MED1: variants seen among roughly 807,000 people sequenced by gnomAD.
MED1 encodes mediator of RNA polymerase II transcription subunit 1.
MED1 carries 17 observed loss-of-function variants against 121.3 expected under a neutral mutation model. The ratio of observed to expected loss-of-function variants is 0.14; its 90% CI spans 0.10 to 0.21. The LOEUF is 0.21. Among genes scored for constraint, MED1 ranks in the 10% least tolerant of loss-of-function variants. MED1 has a pLI of 1.00. For missense variants in MED1, 1,558 were observed against 1,919.4 expected, an observed-to-expected ratio of 0.81 and a Z score of 3.52; for synonymous variants, 661 against 694.4, an observed-to-expected ratio of 0.95 and a Z score of 0.76.
chr17:39,430,774 T>C (rs970623754), intron 9 of MED1, among the ~76,000 whole-genome samples: 1 of 151,760 alleles, frequency 6.6e-6, no homozygotes, highest in East Asian at 1.9e-4. Context: ...TCCCAGCACT[T>C]TGGGAGACCA....
rs199958818 is a variant in MED1 at position 39,436,777 on chromosome 17, A to AT, written c.428+2387dup. 3.0e-3 allele frequency among the ~76,000 whole-genome samples: 442 copies of AT among 147,444 alleles called. 8 individuals carry two copies. The East Asian group carries it at 0.044, about 15-fold the overall frequency. On this transcript the variant is annotated intron_variant, in intron 6 of 16. Transcript: ENST00000300651. ...TTTGTTCCACACATAATTCTTTATT[A>AT]TTTTTTTTTTTGAGACAGTCTCACT... is the stretch of plus-strand genomic sequence containing the variant.
Position 39,419,963 on chromosome 17 carries a change from G to T in MED1, c.1096-45C>A, listed in dbSNP as rs745834967. 4 of 1,549,082 alleles carry T rather than the reference G, an allele frequency of 2.6e-6. No homozygotes were observed. In the East Asian group the frequency reaches 9.0e-5, roughly 35 times the overall value. The stretch of plus-strand genomic sequence containing the variant: ...AACGAGTGCTATTTAGTTACCTATT[G>T]TATTCCAACCACAAAGTATCCTGAA... On this transcript the variant is annotated intron_variant, in intron 13 of 16. Coordinates refer to ENST00000300651, the MANE Select transcript of MED1 (RefSeq NM_004774.4).
At chr17:39,424,867 TTATTTATTTATG>T in intron 10 of MED1, 129 bp from the exon 11 acceptor site, 1 of 607,922 alleles carries the variant, frequency 1.6e-6, no homozygotes, top group African/African-American at 2.0e-5. Flanking sequence ...ATTCCCTTAT[TTATTTATTTATG>T]TATTTATTTA....
chr17:39,423,741 A>G lies in MED1; in HGVS notation c.932T>C (p.Ile311Thr). ...CTGAACAAATGCTCTAGATACTGGG[A>G]TTGGCTGGGGAAATTTCAAGAAGAA... ...ACFFLKFPQP[I>T]PVSRAFVQKL... The change falls in exon 12 of 17, where the codon ATC (isoleucine) becomes ACC (threonine). Residue 311 changes from isoleucine to threonine, a missense_variant. Physicochemically the swap from Ile to Thr is moderately conservative, Grantham distance 89. Coordinates refer to ENST00000300651, the MANE Select transcript of MED1 (RefSeq NM_004774.4). 1 of 1,613,960 alleles carries G rather than the reference A, an allele frequency of 6.2e-7. No individual in the cohort carries two copies. Among genetic ancestry groups the G allele is most frequent in the Non-Finnish European group, 8.5e-7 (1 of 1,179,998 alleles).
intron 14 of MED1, among the ~76,000 whole-genome samples, chr17:39,418,789 A>ATTT (rs71147329): frequency 2.8e-5 from 4 of 142,330 alleles, no homozygotes; most frequent in East Asian, 2.1e-4. Context: ...AGCATCTGTG[A>ATTT]TTTTTTTTTT....
intron 13 of MED1, among the ~76,000 whole-genome samples, chr17:39,421,758 T>C (rs1056313888): frequency 7.2e-5 from 11 of 152,048 alleles, no homozygotes; most frequent in Non-Finnish European, 1.2e-4. Context: ...TCTAAGCTCA[T>C]GGCACTTGAA....
At chr17:39,423,863 T>C (rs1036345273) in intron 11 of MED1, 42 bp from the exon 12 acceptor site, 2 of 1,556,480 alleles carry the variant, frequency 1.3e-6, no homozygotes, top group Non-Finnish European at 1.7e-6. Context: ...TCTGACTTGA[T>C]ATAAAAATGA....
At chr17:39,419,691 T>TA (rs767039821) in intron 14 of MED1, 26 bp downstream of exon 14, 2 of 1,579,534 alleles carry the variant, frequency 1.3e-6, no homozygotes, top group Non-Finnish European at 1.7e-6. Context: ...CATCTTCCAG[T>TA]AAGCATATCA....
rs760135589 is a variant in MED1, at chr17:39,440,017, G to GGAAA, written c.399+365_399+368dup. Reference sequence around the variant, plus strand: ...AGGAAGGAAGGAAGGAAGGAAGGAAGGAAAGAAAGAAAGAAAGAGAGAAAG... The same window carrying GGAAA: ...AGGAAGGAAGGAAGGAAGGAAGGAAGGAAAGAAAGAAAGAAAGAAAGAGAGAAAG... On this transcript the variant is annotated intron_variant, in intron 5 of 16. Transcript: ENST00000300651. This position sits in a 1 kb window ranked among gnomAD's most constrained non-coding sequence, Gnocchi z 4.1. Among the ~76,000 whole-genome samples, 46 of 128,744 alleles carry GGAAA rather than the reference G, an allele frequency of 3.6e-4. No individual in the cohort carries two copies. The highest frequency in any genetic ancestry group is 5.2e-4 in the South Asian group (2 of 3,850). 84.5% of individuals were successfully genotyped at this position (128,744 alleles called of 152,430 possible). A position where few individuals can be genotyped will look rare whatever the true frequency, so the allele number is the denominator to read the frequency against.
intron 9 of MED1, among the ~76,000 whole-genome samples, chr17:39,430,573 G>A (rs1333662939): frequency 6.6e-6 from 1 of 151,086 alleles, no homozygotes; most frequent in African/African-American, 2.4e-5. Context: ...GGCGCCTGTA[G>A]TCCCAGCTAC....
rs1377462713 is a variant in MED1, at chr17:39,419,884, T to C, written c.1130A>G (p.Asn377Ser). The C allele has an allele frequency of 6.2e-7, 1 of 1,614,074 alleles. No individual in the cohort carries two copies. Among genetic ancestry groups the C allele is most frequent in the Admixed American group, 1.7e-5 (1 of 59,984 alleles). The part of the protein sequence containing the change: ...LPGQQHCYFL[N>S]KDAPLPDGRS... The stretch of plus-strand genomic sequence containing the variant: ...GCCATCTGGAAGAGGAGCATCCTTG[T>C]TGAGGAAATAGCAGTGCTGCTGACC... The change falls in exon 14 of 17, where the codon AAC (asparagine) becomes AGC (serine). Residue 377 changes from asparagine to serine, a missense_variant. By Grantham distance (46) the Asn-to-Ser change is conservative. Around this residue, in one of 5 missense-constraint regions of MED1, gnomAD observed 443 missense variants for 532.4 expected, o/e 0.83. Coordinates refer to ENST00000300651, the MANE Select transcript of MED1 (RefSeq NM_004774.4).
chr17:39,405,328 A>T lies in MED1; in HGVS notation c.*2147T>A. 1 of 1,599,138 alleles carries T rather than the reference A, an allele frequency of 6.3e-7. No homozygotes were observed. Among genetic ancestry groups the T allele is most frequent in the Non-Finnish European group, 8.5e-7 (1 of 1,173,086 alleles). On this transcript the variant is annotated 3_prime_UTR_variant, in exon 17 of 17. Coordinates refer to ENST00000300651, the MANE Select transcript of MED1 (RefSeq NM_004774.4). Reference sequence around the variant, plus strand: ...TTTGATCTGGGATGAAGACAGAAAGAGAGAAAAGCTTCCCAGTTTACTCAT... The same window carrying T: ...TTTGATCTGGGATGAAGACAGAAAGTGAGAAAAGCTTCCCAGTTTACTCAT...
intron 6 of MED1, 39 bp from the exon 7 acceptor site, chr17:39,434,359 T>C: frequency 9.1e-7 from 1 of 1,098,140 alleles, no homozygotes; most frequent in South Asian, 1.5e-5. Flanking sequence ...GAGAGGAAAA[T>C]AAAACATAAA....
At chr17:39,419,638 C>A in intron 14 of MED1, 79 bp downstream of exon 14, 1 of 1,409,646 alleles carries the variant, frequency 7.1e-7, no homozygotes, top group South Asian at 1.2e-5. Flanking sequence ...ACAGGTGATT[C>A]TGATGGGCCA....
Position 39,440,338 on chromosome 17 carries a change from T to C in MED1, c.399+48A>G. The C allele has an allele frequency of 2.0e-6, 3 of 1,506,372 alleles. No individual in the cohort carries two copies. The highest frequency in any genetic ancestry group is 2.6e-6 in the Non-Finnish European group (3 of 1,132,540). 93.3% of individuals were successfully genotyped at this position (1,506,372 alleles called of 1,614,324 possible). On this transcript the variant is annotated intron_variant, in intron 5 of 16. Transcript: ENST00000300651. This position sits in a 1 kb window ranked among gnomAD's most constrained non-coding sequence, Gnocchi z 4.1. The stretch of plus-strand genomic sequence containing the variant: ...CCAACAATTAATTTTAAAATTAATG[T>C]CCCTAAGTAAACCCCACAGATTCCA...
At chr17:39,425,301 A>T (rs1306460530) in intron 10 of MED1, among the ~76,000 whole-genome samples, 1 of 151,888 alleles carries the variant, frequency 6.6e-6, no homozygotes, top group Non-Finnish European at 1.5e-5. Context: ...AGAAATTTTC[A>T]TGCCTCAGCC....
chr17:39,420,791 A>ATTTT (rs71147330), intron 13 of MED1, among the ~76,000 whole-genome samples: 10 of 109,920 alleles, frequency 9.1e-5, no homozygotes, highest in South Asian at 3.0e-4. Flanking sequence ...ACATGTGCCT[A>ATTTT]TTTTTTTTTT....
rs1052932642 is a variant in MED1 at position 39,405,098 on chromosome 17, C to G, written c.*2377G>C. ...AAACAGAAGAATGAGTACACCTAGA[C>G]AGGAGGGAGGTGTCCCAGGCTTGGT... is the stretch of plus-strand genomic sequence containing the variant. On this transcript the variant is annotated 3_prime_UTR_variant, in exon 17 of 17. Coordinates refer to ENST00000300651, the MANE Select transcript of MED1 (RefSeq NM_004774.4). 2 of 1,079,458 alleles carry G rather than the reference C, an allele frequency of 1.9e-6. No homozygotes were observed. Among genetic ancestry groups the G allele is most frequent in the Non-Finnish European group, 2.6e-6 (2 of 780,214 alleles). The allele number at this position is 1,079,458 out of a possible 1,614,324, so 66.9% of individuals were successfully genotyped here.
chr17:39,434,962 G>A (rs972940410), intron 6 of MED1, among the ~76,000 whole-genome samples: 6 of 152,020 alleles, frequency 3.9e-5, no homozygotes, highest in Admixed American at 2.6e-4. Context: ...TTAGGAGATC[G>A]AGACCATCCT....
Sources: gnomAD v4.1 joint callset for allele counts (sites outside exome capture counted in the v4.1 genomes callset) on GRCh38, gnomAD v4.1.1 for gene constraint, gnomAD v4.1.1 regional missense constraint, Gnocchi (gnomAD v3.1) non-coding constraint, MANE v1.5 for transcripts, NCBI Gene and HGNC (gene_info 2026-07-23, HGNC 2026-07-21) for gene names.